Variants in AVEN observed in about 807,000 individuals in gnomAD.
The protein encoded by AVEN is cell death regulator Aven.
AVEN carries 41 observed loss-of-function variants against 38.1 expected under a neutral mutation model. The ratio of observed to expected loss-of-function variants is 1.08; its 90% confidence interval spans 0.84 to 1.40. The LOEUF (loss-of-function observed/expected upper bound fraction) is 1.40, where lower values mean the gene tolerates loss of function less well. AVEN is among the 40% of genes most tolerant of loss of function. AVEN has a pLI of 0.00. For synonymous variants in AVEN, 206 were observed against 171.8 expected (o/e 1.20, Z -1.56); for missense variants, 605 against 438.8 (o/e 1.38, Z -3.38).
In AVEN at chr15:34,063,614, G is replaced by C. The variant is rs1900423982; in HGVS notation, n.1127-182C>G. The C allele has an allele frequency of 6.2e-7, 1 of 1,613,844 alleles. No individual in the cohort carries two copies. Among genetic ancestry groups the C allele is most frequent in the Admixed American group, 1.7e-5 (1 of 60,002 alleles). ...GCGCCAATTGGGCCAAAGCTGAGCA[G>C]CTCACCACCTGTAGCAGCTACCCTT... On this transcript the variant is annotated intron_variant and non_coding_transcript_variant, in intron 4 of 11. Transcript: ENST00000675287. The surrounding 1 kb of genome is among the most constrained non-coding windows in gnomAD (Gnocchi z 4.1).
At position 33,966,461 on chromosome 15, in the gene AVEN, C is replaced by T. The variant is rs541283577; in HGVS notation, c.445+36571G>A. 4.6e-5 allele frequency among the ~76,000 whole-genome samples: 7 copies of T among 152,176 alleles called. No homozygotes were observed. The South Asian group carries it at 1.5e-3, about 32-fold the overall frequency. ...CCCAAATGTTCATGCCATAACATGACGTATGACAAGAGATACTCAAGAGTG... is the reference window on the plus strand; with the variant it reads ...CCCAAATGTTCATGCCATAACATGATGTATGACAAGAGATACTCAAGAGTG... On this transcript the variant is annotated intron_variant, in intron 2 of 5. Transcript: ENST00000306730.
intron 2 of AVEN, among the ~76,000 whole-genome samples, chr15:33,956,389 C>G (rs1363143183): frequency 6.6e-6 from 1 of 152,176 alleles, no homozygotes; most frequent in East Asian, 1.9e-4. Context: ...AATCTGATAA[C>G]TGAAAATATG....
At chr15:33,954,042 C>T (rs891537712) in intron 2 of AVEN, among the ~76,000 whole-genome samples, 12 of 152,138 alleles carry the variant, frequency 7.9e-5, no homozygotes, top group African/African-American at 2.9e-4. Context: ...CCAACAGACA[C>T]ATGAAAAAAT....
intron 2 of AVEN, among the ~76,000 whole-genome samples, chr15:33,935,864 C>T (rs1894040597): frequency 6.6e-6 from 1 of 151,928 alleles, no homozygotes; most frequent in Non-Finnish European, 1.5e-5. Context: ...TGTTTAAGAC[C>T]GAGAGGACTC....
chr15:33,934,960 A>G (rs8027494), intron 2 of AVEN, among the ~76,000 whole-genome samples: 2,142 of 152,290 alleles, frequency 0.014, 59 homozygotes, highest in African/African-American at 0.049. Context: ...GGCATATTAT[A>G]AGTCTCAAGT....
intron 2 of AVEN, among the ~76,000 whole-genome samples, chr15:33,902,598 G>A (rs549773090): frequency 3.3e-5 from 5 of 152,124 alleles, no homozygotes; most frequent in African/African-American, 7.2e-5. Context: ...AGAAAGAAAA[G>A]GCATCCAAAT....
chr15:34,045,452 G>A (rs1899648768), intron 5 of AVEN, among the ~76,000 whole-genome samples: 1 of 152,066 alleles, frequency 6.6e-6, no homozygotes, highest in Admixed American at 6.6e-5. Context: ...TCATTCACAC[G>A]CTCTTTCACT....
chr15:33,943,820 C>CT lies in AVEN; in HGVS notation c.445+59211dup, dbSNP rs1364842002. ...CCTGGGTGACAGAGCAAGACTCCGT[C>CT]TTTAAAAAAAAAAAAAAAAAAAAAA... On this transcript the variant is annotated intron_variant, in intron 2 of 5. Transcript: ENST00000306730. Among the ~76,000 whole-genome samples, 400 of 50,928 alleles carry CT rather than the reference C, an allele frequency of 7.9e-3. 1 individual carries two copies. The highest frequency in any genetic ancestry group is 0.023 in the African/African-American group (387 of 16,918). The allele number at this position is 50,928 out of a possible 152,430, so 33.4% of individuals were successfully genotyped here.
chr15:34,021,840 C>T (rs5016373), intron 1 of AVEN, among the ~76,000 whole-genome samples: 72,397 of 151,702 alleles, frequency 0.48, 20,659 homozygotes, highest in Non-Finnish European at 0.64. Flanking sequence ...GGGTGGACAG[C>T]GCAAGACTCC....
intron 2 of AVEN, among the ~76,000 whole-genome samples, chr15:33,893,859 G>C (rs776842609): frequency 1.3e-5 from 2 of 152,044 alleles, no homozygotes; most frequent in African/African-American, 4.8e-5. Context: ...GTGTGGTCAC[G>C]GTGTTCCATC....
downstream of AVEN, chr15:33,857,663 C>G: frequency 1.5e-6 from 2 of 1,304,062 alleles, no homozygotes; most frequent in Non-Finnish European, 2.1e-6. Context: ...ACCCCTTCCC[C>G]ATTTCCTCTC....
chr15:34,043,516 C>T (rs151057807), upstream of AVEN, among the ~76,000 whole-genome samples: 1 of 152,166 alleles, frequency 6.6e-6, no homozygotes, highest in African/African-American at 2.4e-5. Flanking sequence ...TTGAACAGCT[C>T]CATCTACTAC....
chr15:33,998,319 C>T (rs1218733633), intron 2 of AVEN, among the ~76,000 whole-genome samples: 1 of 152,024 alleles, frequency 6.6e-6, no homozygotes, highest in Non-Finnish European at 1.5e-5. Flanking sequence ...GTTATTTCTC[C>T]CACCTTTAAA....
In AVEN at chr15:33,873,094, CTTTTTTTTTTT is replaced by C. The variant is rs34223352; in HGVS notation, c.517-2075_517-2065del. Among the ~76,000 whole-genome samples the C allele has an allele frequency of 8.2e-5, 7 of 85,104 alleles. No homozygotes were observed. In the East Asian group the frequency reaches 1.2e-3, roughly 15 times the overall value. 55.8% of individuals were successfully genotyped at this position (85,104 alleles called of 152,430 possible). A position where few individuals can be genotyped will look rare whatever the true frequency, so the allele number is the denominator to read the frequency against. On this transcript the variant is annotated intron_variant, in intron 3 of 5. Transcript: ENST00000306730. ...AAAACATATTTCTACTTTTCCTTTT[CTTTTTTTTTTT>C]TTTTTTTTTTTTTTGAGATGGAGTC...
chr15:34,060,933 G>A (rs569567650), intron 5 of AVEN, among the ~76,000 whole-genome samples: 71 of 151,402 alleles, frequency 4.7e-4, no homozygotes, highest in Non-Finnish European at 9.1e-4. Context: ...GGAGAATGGC[G>A]TGAACCCAGG....
At chr15:33,853,047 C>A in the AVEN span, 3 of 1,605,922 alleles carry the variant, frequency 1.9e-6, no homozygotes, top group Admixed American at 1.7e-5. Context: ...TTTTTCAGAT[C>A]TTTTCCTAAT....
At chr15:33,852,035 A>C in the AVEN span, 1 of 152,014 alleles carries the variant, frequency 6.6e-6, no homozygotes, top group Admixed American at 6.6e-5. Flanking sequence ...TTTTTTAAAT[A>C]CTGCCACCCT....
At chr15:33,933,578 G>T (rs978671566) in intron 2 of AVEN, among the ~76,000 whole-genome samples, 3 of 133,856 alleles carry the variant, frequency 2.2e-5, no homozygotes, top group Non-Finnish European at 4.7e-5. Context: ...GAGAGAGAGA[G>T]AGAACTGAGG....
chr15:33,978,683 T>G lies in AVEN; in HGVS notation c.445+24349A>C, dbSNP rs181705362. Among the ~76,000 whole-genome samples the G allele has an allele frequency of 3.8e-4, 58 of 151,650 alleles. 2 individuals are homozygous for G. The East Asian group carries it at 0.01, about 27-fold the overall frequency. On this transcript the variant is annotated intron_variant, in intron 2 of 5. Coordinates refer to ENST00000306730, the MANE Select transcript of AVEN (RefSeq NM_020371.3). Reference sequence around the variant, plus strand: ...GTTTCAAAATAAATAAATAAATAAATAAAAATAAAAATAAATAAAATTAAG... The same window carrying G: ...GTTTCAAAATAAATAAATAAATAAAGAAAAATAAAAATAAATAAAATTAAG...
Sources: allele counts gnomAD v4.1 joint callset (sites outside exome capture counted in the v4.1 genomes callset), GRCh38; gene constraint gnomAD v4.1.1; non-coding constraint Gnocchi (gnomAD v3.1); transcripts MANE v1.5; gene names NCBI Gene and HGNC (gene_info 2026-07-23, HGNC 2026-07-21).